The following COL21A1 variants were observed in gnomAD, a reference collection of about 807,000 sequenced individuals.
COL21A1 encodes collagen type XXI alpha 1 chain, also known as collagen alpha-1(XXI) chain.
COL21A1 carries 149 observed loss-of-function variants against 137.9 expected under a neutral mutation model. The ratio of observed to expected loss-of-function variants is 1.08; its 90% CI spans 0.95 to 1.24. COL21A1 has a LOEUF of 1.24. Ranked by LOEUF, COL21A1 falls within the 50% of genes most tolerant of loss-of-function variation. COL21A1 has a pLI of 0.00. For missense variants in COL21A1, 1,167 were observed against 1,158.4 expected, an observed-to-expected ratio of 1.01 and a Z score of -0.11; for synonymous variants, 456 against 391.5, an observed-to-expected ratio of 1.16 and a Z score of -1.95.
intron 9 of COL21A1, among the ~76,000 whole-genome samples, chr6:56,158,275 T>TTTTTTTTTTTTTTTTTTTTTTTTTG (rs1775934676): frequency 1.5e-5 from 2 of 135,020 alleles, no homozygotes; most frequent in Non-Finnish European, 3.2e-5. Flanking sequence ...TCTTTTTTTT[T>TTTTTTTTTTTTTTTTTTTTTTTTTG]TTTTTTTTTT....
At chr6:56,207,481 A>T (rs746204605) in intron 1 of COL21A1, among the ~76,000 whole-genome samples, 6 of 152,188 alleles carry the variant, frequency 3.9e-5, no homozygotes, top group Non-Finnish European at 7.3e-5. Flanking sequence ...TGAAGTCTAA[A>T]CCAGGAAGAA....
chr6:56,110,255 C>CTTTTTT (rs35299623), intron 16 of COL21A1, among the ~76,000 whole-genome samples: 1 of 121,914 alleles, frequency 8.2e-6, no homozygotes, highest in African/African-American at 3.1e-5. Context: ...GCAGAAAAAG[C>CTTTTTT]TTTTTTTTTT....
At chr6:56,356,598 T>C (rs1765836915) in intron 1 of COL21A1, among the ~76,000 whole-genome samples, 1 of 152,214 alleles carries the variant, frequency 6.6e-6, no homozygotes, top group Admixed American at 6.5e-5. Context: ...TGGTGACAAC[T>C]TGCAGGCAGC....
intron 1 of COL21A1, among the ~76,000 whole-genome samples, chr6:56,337,624 T>C (rs1765360264): frequency 1.3e-5 from 2 of 152,222 alleles, no homozygotes; most frequent in South Asian, 4.1e-4. Flanking sequence ...ATCTGTGAAG[T>C]GGAGATAACA....
chr6:56,391,926 A>T (rs1265272656), intron 1 of COL21A1, among the ~76,000 whole-genome samples: 3 of 152,148 alleles, frequency 2.0e-5, no homozygotes, highest in African/African-American at 7.2e-5. Context: ...ATTCTACCAG[A>T]CACTTAAAGA....
At chr6:56,132,835 C>T (rs549021038) in intron 12 of COL21A1, among the ~76,000 whole-genome samples, 2 of 151,992 alleles carry the variant, frequency 1.3e-5, no homozygotes, top group African/African-American at 2.4e-5. Context: ...TTTAAAAATG[C>T]GAGTTTCCCT....
At chr6:56,077,756 A>G (rs1486942018) in intron 17 of COL21A1, 183 bp from the exon 18 acceptor site, 1 of 526,006 alleles carries the variant, frequency 1.9e-6, no homozygotes, top group Non-Finnish European at 3.3e-6. Context: ...ATAGCATTAT[A>G]TGAATATTAC....
intron 12 of COL21A1, among the ~76,000 whole-genome samples, chr6:56,137,180 C>T (rs1235986270): frequency 1.3e-5 from 2 of 152,250 alleles, no homozygotes; most frequent in East Asian, 3.9e-4. Context: ...ATTTACTTCA[C>T]AATTAATCTA....
chr6:56,390,535 C>T (rs904558966), intron 1 of COL21A1, among the ~76,000 whole-genome samples: 2 of 148,836 alleles, frequency 1.3e-5, no homozygotes, highest in Non-Finnish European at 1.5e-5. Context: ...CACACACACA[C>T]GACCCTACTA....
Position 56,124,263 on chromosome 6 carries a change from G to T in COL21A1, c.1680C>A (p.Gly560=). The change falls in exon 15 of 30, where the codon GGC becomes GGA. Residue 560 remains glycine, a synonymous_variant. Coordinates refer to ENST00000244728, the MANE Select transcript of COL21A1 (RefSeq NM_030820.4). ...CAGCAGGTCCAGGGAGGCCAGGGAA[G>T]CCAGCATTCCCCTTTTCACCTTTTG... ...KGAKGEKGNA[G]FPGLPGPAGE... is the part of the protein sequence containing the mutation. 6.2e-7 allele frequency: 1 copy of T among 1,604,396 alleles called. No homozygotes were observed.
intron 16 of COL21A1, among the ~76,000 whole-genome samples, chr6:56,103,795 C>T (rs1770650292): frequency 6.6e-6 from 1 of 152,120 alleles, no homozygotes. Context: ...ATCTGAATCA[C>T]CCGGAAGGTT....
chr6:56,273,038 G>C (rs534475881), intron 1 of COL21A1, among the ~76,000 whole-genome samples: 1 of 152,106 alleles, frequency 6.6e-6, no homozygotes, highest in South Asian at 2.1e-4. Context: ...CACTTCCTTG[G>C]ACCACAGCAC....
intron 1 of COL21A1, among the ~76,000 whole-genome samples, chr6:56,190,631 CA>C (rs1216200874): frequency 1.3e-4 from 20 of 152,216 alleles, no homozygotes; most frequent in African/African-American, 4.8e-4. Flanking sequence ...GGCAGAGACA[CA>C]ACAAAAAAAG....
chr6:56,097,152 T>C (rs754560802), intron 17 of COL21A1, among the ~76,000 whole-genome samples: 4 of 152,150 alleles, frequency 2.6e-5, no homozygotes, highest in Non-Finnish European at 4.4e-5. Context: ...TTTCCTGGCA[T>C]AGGAAACTTG....
At chr6:56,117,166 G>GA (rs1772011224) in intron 16 of COL21A1, among the ~76,000 whole-genome samples, 1 of 151,706 alleles carries the variant, frequency 6.6e-6, no homozygotes, top group South Asian at 2.1e-4. Context: ...CTGACTGGAT[G>GA]AAAAAACAAT....
intron 10 of COL21A1, among the ~76,000 whole-genome samples, chr6:56,152,711 A>C (rs1336668504): frequency 6.6e-6 from 1 of 152,152 alleles, no homozygotes; most frequent in Admixed American, 6.5e-5. Context: ...AAGGGCTGAT[A>C]GCCTGTGGAA....
intron 1 of COL21A1, among the ~76,000 whole-genome samples, chr6:56,307,470 GA>G (rs1247621108): frequency 4.6e-5 from 7 of 152,176 alleles, no homozygotes; most frequent in African/African-American, 1.7e-4. Context: ...TTTGATCTCA[GA>G]CTGCTGTGCT....
At chr6:56,260,604 AAG>A (rs1428974220) in intron 1 of COL21A1, among the ~76,000 whole-genome samples, 50 of 126,592 alleles carry the variant, frequency 3.9e-4, no homozygotes, top group South Asian at 1.4e-3. Context: ...GAAGAAGAAG[AAG>A]AAGAAAGAAA....
chr6:56,112,535 G>C (rs1321931781), intron 16 of COL21A1, among the ~76,000 whole-genome samples: 1 of 152,104 alleles, frequency 6.6e-6, no homozygotes, highest in Admixed American at 6.5e-5. Flanking sequence ...AGGCAGCATG[G>C]AGTGGAAAGC....
Sources: gnomAD v4.1 joint callset for allele counts (sites outside exome capture counted in the v4.1 genomes callset) on GRCh38, gnomAD v4.1.1 for gene constraint, MANE v1.5 for transcripts, NCBI Gene and HGNC (gene_info 2026-07-23, HGNC 2026-07-21) for gene names.